The following ADSS2 variants were observed in gnomAD, a reference collection of about 807,000 sequenced individuals.
The protein encoded by ADSS2 is adenylosuccinate synthase 2, also known as adenylosuccinate synthetase isozyme 2.
In ADSS2, 30 loss-of-function variants were observed where a neutral mutation model predicts 60.0. The ratio of observed to expected loss-of-function variants is 0.50; its 90% CI spans 0.37 to 0.68. The LOEUF (loss-of-function observed/expected upper bound fraction) is 0.68. ADSS2 is among the 30% of genes least tolerant of loss of function. The pLI is 0.00. For synonymous variants in ADSS2, 187 were observed against 193.1 expected (o/e 0.97, Z 0.26); for missense variants, 373 against 554.8 (o/e 0.67, Z 3.29).
At chr1:244,449,520 T>A (rs1665478839) in intron 1 of ADSS2, among the ~76,000 whole-genome samples, 1 of 152,238 alleles carries the variant, frequency 6.6e-6, no homozygotes, top group Admixed American at 6.5e-5. Flanking sequence ...CATTCCAATT[T>A]TATAACCTAG....
upstream of ADSS2, chr1:244,452,057 A>C: frequency 2.8e-6 from 1 of 358,598 alleles, no homozygotes; most frequent in Non-Finnish European, 4.9e-6. Context: ...GCCCGCAGGA[A>C]GAGGCCCTGG....
In ADSS2 at chr1:244,417,710, C is replaced by T. The variant is rs1664572412; in HGVS notation, c.988G>A (p.Val330Ile). ...LLQTRGREFGVTTGRKRRCGW... is the reference protein window; with the variant it reads ...LLQTRGREFGITTGRKRRCGW... The stretch of plus-strand genomic sequence containing the variant: ...CATCTTCTTTTCCTTCCAGTAGTTA[C>T]ACCAAACTCTCTACCCCTTGTTTGT... Residue 330 changes from valine to isoleucine, a missense_variant, in exon 10 of 13, where the codon GTA (valine) becomes ATA (isoleucine). Physicochemically the swap from Val to Ile is conservative, Grantham distance 29. Around this residue, in one of 5 missense-constraint regions of ADSS2, gnomAD observed 130 missense variants for 169.4 expected, o/e 0.77. Transcript: ENST00000366535. 6.2e-7 allele frequency: 1 copy of T among 1,613,342 alleles called. No homozygotes were observed. Among genetic ancestry groups the T allele is most frequent in the Non-Finnish European group, 8.5e-7 (1 of 1,179,598 alleles).
At chr1:244,424,259 A>G in intron 5 of ADSS2, 62 bp downstream of exon 5, 1 of 1,492,756 alleles carries the variant, frequency 6.7e-7, no homozygotes, top group African/African-American at 1.4e-5. Flanking sequence ...CTGGTCTAGA[A>G]CTAAAATATA....
At chr1:244,419,412 T>C (rs1004851185) in intron 8 of ADSS2, 4 of 152,630 alleles carry the variant, frequency 2.6e-5, no homozygotes, top group African/African-American at 4.8e-5. Flanking sequence ...AAGAGTGGCA[T>C]ACTTTCTCAC....
intron 1 of ADSS2, among the ~76,000 whole-genome samples, chr1:244,448,604 C>T (rs1309190942): frequency 6.6e-6 from 1 of 152,174 alleles, no homozygotes; most frequent in African/African-American, 2.4e-5. Flanking sequence ...TAAGCCTTTG[C>T]TTAAAGCCTG....
chr1:244,450,295 G>A (rs942911349), intron 1 of ADSS2, among the ~76,000 whole-genome samples: 6 of 152,210 alleles, frequency 3.9e-5, no homozygotes, highest in Non-Finnish European at 8.8e-5. Flanking sequence ...TTGCCAGAGG[G>A]GTGGAGAAAT....
chr1:244,451,187 G>C lies in ADSS2; in HGVS notation c.183+448C>G, dbSNP rs1219791697. Among the ~76,000 whole-genome samples the C allele has an allele frequency of 2.0e-5, 3 of 152,124 alleles. No homozygotes were observed. The highest frequency in any genetic ancestry group is 2.0e-4 in the Admixed American group (3 of 15,280). ...AATCCACTCCCACTCCGCCGCCCTGGGCGGGGCGGGGGGGCGGTGATGGGG... is the reference window on the plus strand; with the variant it reads ...AATCCACTCCCACTCCGCCGCCCTGCGCGGGGCGGGGGGGCGGTGATGGGG... On this transcript the variant is annotated intron_variant, in intron 1 of 12. Coordinates refer to ENST00000366535, the MANE Select transcript of ADSS2 (RefSeq NM_001126.5). This position sits in a 1 kb window ranked among gnomAD's most constrained non-coding sequence, Gnocchi z 6.6.
intron 1 of ADSS2, among the ~76,000 whole-genome samples, chr1:244,439,491 C>A (rs920879097): frequency 6.6e-6 from 1 of 152,146 alleles, no homozygotes; most frequent in Non-Finnish European, 1.5e-5. Context: ...GGACTCCGCC[C>A]AGTGCCCTGC....
chr1:244,446,186 G>A (rs1572149958), intron 1 of ADSS2, among the ~76,000 whole-genome samples: 1 of 152,312 alleles, frequency 6.6e-6, no homozygotes, highest in Non-Finnish European at 1.5e-5. Context: ...TCAGGGTAAA[G>A]ATTGTAAGAT....
rs533491651 is a variant in ADSS2, at chr1:244,423,849, C to G, written c.581+104G>C. On this transcript the variant is annotated intron_variant, in intron 6 of 12. Coordinates refer to ENST00000366535, the MANE Select transcript of ADSS2 (RefSeq NM_001126.5). ...ATTTCAAACCTAAAAAAGCCAACCA[C>G]CACTATTTAACTAGAATACCGACTG... is the stretch of plus-strand genomic sequence containing the variant. 274 of 793,472 alleles carry G rather than the reference C, an allele frequency of 3.5e-4. No individual in the cohort carries two copies. In the African/African-American group the frequency reaches 4.5e-3, roughly 13 times the overall value. 49.2% of individuals were successfully genotyped at this position (793,472 alleles called of 1,614,324 possible).
At position 244,437,658 on chromosome 1, in the gene ADSS2, A is replaced by T. The variant is rs1013791410; in HGVS notation, c.286+8T>A. ...GGAATCTCCATGCAGTTCAGTTTAT[A>T]TACTTACCAATGAATGCAGTGACAT... is the stretch of plus-strand genomic sequence containing the variant. On this transcript the variant is annotated splice_region_variant and intron_variant, in intron 2 of 12. Transcript: ENST00000366535. 6.5e-7 allele frequency: 1 copy of T among 1,547,984 alleles called. No individual in the cohort carries two copies. Among genetic ancestry groups the T allele is most frequent in the African/African-American group, 1.4e-5 (1 of 73,526 alleles).
chr1:244,419,120 T>C (rs886275837), intron 8 of ADSS2: 5 of 483,754 alleles, frequency 1.0e-5, no homozygotes. Flanking sequence ...TTAACGCAAG[T>C]GCTTATACAG....
intron 5 of ADSS2, 86 bp downstream of exon 5, chr1:244,424,235 T>C (rs1664743224): frequency 8.7e-6 from 12 of 1,375,852 alleles, no homozygotes; most frequent in Admixed American, 8.7e-5. Context: ...CTAATACTTA[T>C]TTTTCTTAAA....
intron 4 of ADSS2, among the ~76,000 whole-genome samples, chr1:244,432,105 T>C (rs1198805898): frequency 6.6e-6 from 1 of 152,254 alleles, no homozygotes; most frequent in Non-Finnish European, 1.5e-5. Flanking sequence ...CCCAAATTTA[T>C]TGGTAGTGGT....
At chr1:244,412,598 T>A (rs982881560) in intron 11 of ADSS2, among the ~76,000 whole-genome samples, 1 of 152,204 alleles carries the variant, frequency 6.6e-6, no homozygotes, top group African/African-American at 2.4e-5. Context: ...GAAACCTGTC[T>A]GGCAGAACTT....
intron 1 of ADSS2, among the ~76,000 whole-genome samples, chr1:244,446,669 C>CTAAT (rs34529627): frequency 0.84 from 127,927 of 151,658 alleles, 54,349 homozygotes; most frequent in African/African-American, 0.92. Context: ...TCTTAGGTTC[C>CTAAT]TAAGAAGCTT....
At chr1:244,448,960 C>T (rs1665466680) in intron 1 of ADSS2, among the ~76,000 whole-genome samples, 1 of 152,246 alleles carries the variant, frequency 6.6e-6, no homozygotes, top group East Asian at 1.9e-4. Flanking sequence ...ATGACCTGTA[C>T]CCAGGGTTGG....
intron 3 of ADSS2, among the ~76,000 whole-genome samples, chr1:244,435,878 A>G (rs1337049419): frequency 6.6e-6 from 1 of 152,260 alleles, no homozygotes; most frequent in Admixed American, 6.5e-5. Context: ...GCTGGCAAAC[A>G]GCAGCAACAA....
chr1:244,436,806 T>C lies in ADSS2; in HGVS notation c.355+19A>G, dbSNP rs1171794176. The C allele has an allele frequency of 3.1e-6, 5 of 1,590,254 alleles. No individual in the cohort carries two copies. Among genetic ancestry groups the C allele is most frequent in the African/African-American group, 1.3e-5 (1 of 74,534 alleles). On this transcript the variant is annotated intron_variant, in intron 3 of 12. Transcript: ENST00000366535. ...TTACAAAGAACAACTGGTTACCAAG[T>C]AGACTCATTCTTTCATACCTTTTCC...
Sources: allele counts gnomAD v4.1 joint callset (sites outside exome capture counted in the v4.1 genomes callset), GRCh38; gene constraint gnomAD v4.1.1; regional missense constraint gnomAD v4.1.1; non-coding constraint Gnocchi (gnomAD v3.1); transcripts MANE v1.5; gene names NCBI Gene and HGNC (gene_info 2026-07-23, HGNC 2026-07-21).